The following SCN8A variants were observed in gnomAD, a reference collection of about 807,000 sequenced individuals.
SCN8A encodes the protein sodium voltage-gated channel alpha subunit 8.
SCN8A carries 30 observed loss-of-function variants against 184.1 expected under a neutral mutation model. The ratio of observed to expected loss-of-function variants is 0.16; its 90% CI spans 0.12 to 0.22. SCN8A has a LOEUF of 0.22. SCN8A is among the 10% of genes least tolerant of loss of function. The pLI, the probability that SCN8A is intolerant of heterozygous loss-of-function variation, is 1.00. For synonymous variants in SCN8A, 852 were observed against 907.0 expected, an observed-to-expected ratio of 0.94 and a Z score of 1.09; for missense variants, 1,057 against 2,498.9, an observed-to-expected ratio of 0.42 and a Z score of 12.30.
rs555257949 is a variant in SCN8A at position 51,753,234 on chromosome 12, G to A, written c.2370+1641G>A. On this transcript the variant is annotated intron_variant, in intron 14 of 26. Coordinates refer to ENST00000627620, the MANE Select transcript of SCN8A (RefSeq NM_001330260.2). ...CAGAACCAAGTTCTAGAATAAGAAA[G>A]CTCTTAGGTGGCAAGGGTTTTCAAA... Among the ~76,000 whole-genome samples, 259 of 152,288 alleles carry A rather than the reference G, an allele frequency of 1.7e-3. 1 individual carries two copies. Among genetic ancestry groups the A allele is most frequent in the Middle Eastern group, 0.01 (3 of 294 alleles).
intron 1 of SCN8A, among the ~76,000 whole-genome samples, chr12:51,599,161 A>G (rs1939411717): frequency 6.6e-6 from 1 of 152,210 alleles, no homozygotes; most frequent in African/African-American, 2.4e-5. Context: ...GTCAACAAAT[A>G]TTTAGCGAGT....
rs1179449330 is a variant in SCN8A, at chr12:51,732,009, A to G, written c.1998+10101A>G. ...GGATAGTTTTCAGATATTTTCTCCT[A>G]TTCTTTGGGTTGTCTGTTCACTTTG... is the stretch of plus-strand genomic sequence containing the variant. On this transcript the variant is annotated intron_variant, in intron 12 of 26. Transcript: ENST00000627620. Among the ~76,000 whole-genome samples, 12 of 152,178 alleles carry G rather than the reference A, an allele frequency of 7.9e-5. No individual in the cohort carries two copies. In the East Asian group the frequency reaches 1.4e-3, roughly 17 times the overall value.
At chr12:51,694,617 C>CT (rs1941563941) in intron 6 of SCN8A, among the ~76,000 whole-genome samples, 1 of 152,196 alleles carries the variant, frequency 6.6e-6, no homozygotes, top group South Asian at 2.1e-4. Context: ...GTTGCACACT[C>CT]TGTTGTGTAG....
At chr12:51,633,790 C>G (rs1442427780) in intron 1 of SCN8A, among the ~76,000 whole-genome samples, 1 of 152,180 alleles carries the variant, frequency 6.6e-6, no homozygotes, top group Non-Finnish European at 1.5e-5. Flanking sequence ...TTATGATACT[C>G]TGGCGCAGAC....
At chr12:51,759,198 C>T (rs1045292906) in intron 14 of SCN8A, among the ~76,000 whole-genome samples, 55 of 151,710 alleles carry the variant, frequency 3.6e-4, no homozygotes, top group African/African-American at 1.3e-3. Flanking sequence ...GGTGCTGGGA[C>T]ATTTGGTTTT....
At chr12:51,747,075 TCTA>T (rs1363106902) in intron 13 of SCN8A, among the ~76,000 whole-genome samples, 1 of 143,096 alleles carries the variant, frequency 7.0e-6, no homozygotes, top group Non-Finnish European at 1.5e-5. Flanking sequence ...CAGTGCCACT[TCTA>T]CTCTGTGTGT....
At chr12:51,684,366 A>C in intron 3 of SCN8A, 74 bp downstream of exon 3, 1 of 778,244 alleles carries the variant, frequency 1.3e-6, no homozygotes, top group South Asian at 1.4e-5. Flanking sequence ...ATATTTGACA[A>C]CTGGATTATA....
At chr12:51,770,019 C>G in intron 18 of SCN8A, 34 bp downstream of exon 18, 1 of 1,394,616 alleles carries the variant, frequency 7.2e-7, no homozygotes, top group Non-Finnish European at 1.0e-6. Context: ...GGGCTGGGGA[C>G]ACTCGTGTTG....
chr12:51,686,526 A>C, intron 4 of SCN8A, 69 bp downstream of exon 4: 1 of 1,078,934 alleles, frequency 9.3e-7, no homozygotes, highest in Non-Finnish European at 1.4e-6. Context: ...TTGCTTTGCC[A>C]CAGTTTACCC....
intron 21 of SCN8A, among the ~76,000 whole-genome samples, chr12:51,782,303 A>G (rs1022150998): frequency 6.6e-6 from 1 of 152,244 alleles, no homozygotes; most frequent in Non-Finnish European, 1.5e-5. Flanking sequence ...AAGAGAGTTT[A>G]TTACACAAGA....
chr12:51,788,617 C>T lies in SCN8A; in HGVS notation c.4228-78C>T, dbSNP rs572861638. On this transcript the variant is annotated intron_variant, in intron 22 of 26. Transcript: ENST00000627620. ...TTCTGTGTTCTCACTGAACCTAAGC[C>T]TGGCCTTTGGGACCCCTGCCTAGAC... The T allele has an allele frequency of 7.9e-6, 9 of 1,137,460 alleles. No homozygotes were observed. The Admixed American group carries it at 2.0e-4, about 25-fold the overall frequency. 70.5% of individuals were successfully genotyped at this position (1,137,460 alleles called of 1,614,324 possible). A position where few individuals can be genotyped will look rare whatever the true frequency, so the allele number is the denominator to read the frequency against.
chr12:51,701,632 C>A (rs1344084913), intron 8 of SCN8A, among the ~76,000 whole-genome samples: 1 of 152,182 alleles, frequency 6.6e-6, no homozygotes, highest in Non-Finnish European at 1.5e-5. Flanking sequence ...GATCCTGATA[C>A]TTCCTGCTCT....
At chr12:51,784,405 A>C (rs1938017415) in intron 21 of SCN8A, among the ~76,000 whole-genome samples, 1 of 152,070 alleles carries the variant, frequency 6.6e-6, no homozygotes, top group South Asian at 2.1e-4. Context: ...AAATACAAAA[A>C]TTAGCTGGGC....
At chr12:51,754,117 C>T (rs1310801401) in intron 14 of SCN8A, among the ~76,000 whole-genome samples, 4 of 152,164 alleles carry the variant, frequency 2.6e-5, no homozygotes. Flanking sequence ...AGAGATAATT[C>T]AATCCAATCC....
chr12:51,788,287 C>CTTTTTT (rs66672221), intron 22 of SCN8A, among the ~76,000 whole-genome samples: 23 of 84,010 alleles, frequency 2.7e-4, no homozygotes, highest in South Asian at 4.6e-4. Context: ...CGCTTAACAC[C>CTTTTTT]TTTTTTTTTT....
intron 12 of SCN8A, among the ~76,000 whole-genome samples, chr12:51,728,300 G>T (rs554590008): frequency 6.6e-6 from 1 of 152,250 alleles, no homozygotes; most frequent in Non-Finnish European, 1.5e-5. Context: ...GTTGACCCAT[G>T]ACCTGCCCAA....
At chr12:51,749,061 C>T (rs1942557075) in intron 13 of SCN8A, among the ~76,000 whole-genome samples, 1 of 152,198 alleles carries the variant, frequency 6.6e-6, no homozygotes, top group African/African-American at 2.4e-5. Flanking sequence ...AGATGTTAAC[C>T]CATTCCCCCA....
intron 12 of SCN8A, among the ~76,000 whole-genome samples, chr12:51,726,754 C>A (rs1032603918): frequency 1.3e-5 from 2 of 152,066 alleles, no homozygotes; most frequent in Non-Finnish European, 2.9e-5. Flanking sequence ...ATTTTCATTC[C>A]TTTTCTTACA....
intron 26 of SCN8A, among the ~76,000 whole-genome samples, chr12:51,800,124 C>T (rs1468702955): frequency 6.6e-6 from 1 of 152,238 alleles, no homozygotes; most frequent in African/African-American, 2.4e-5. Context: ...TGAGGTAGGA[C>T]AGTAAAGATA....
Sources: gnomAD v4.1 joint callset for allele counts (sites outside exome capture counted in the v4.1 genomes callset) on GRCh38, gnomAD v4.1.1 for gene constraint, MANE v1.5 for transcripts, NCBI Gene and HGNC (gene_info 2026-07-23, HGNC 2026-07-21) for gene names.